Variants in PRMT7 observed in about 807,000 individuals in gnomAD.
PRMT7 encodes protein arginine N-methyltransferase 7.
In PRMT7, 75 loss-of-function variants were observed where a neutral mutation model predicts 85.4. The observed-to-expected ratio is 0.88, with a 90% confidence interval of 0.73 to 1.06. PRMT7 has a LOEUF of 1.06. Ranked by LOEUF, PRMT7 falls within the 50% of genes least tolerant of loss-of-function variation. The probability of loss-of-function intolerance (pLI) is 0.00; values close to 1 mark genes in which losing one functional copy is unlikely to be tolerated. For missense variants in PRMT7, 868 were observed against 915.2 expected, an observed-to-expected ratio of 0.95 and a Z score of 0.67; for synonymous variants, 397 against 359.5, an observed-to-expected ratio of 1.10 and a Z score of -1.18.
In PRMT7 at chr16:68,349,058, C is replaced by T. The variant is rs144759660; in HGVS notation, c.1413+627C>T. On this transcript the variant is annotated intron_variant, in intron 14 of 18. Coordinates refer to ENST00000441236, the MANE Select transcript of PRMT7 (RefSeq NM_019023.5). The stretch of plus-strand genomic sequence containing the variant: ...CCACCGCACTCCTGTCTTCATTCCC[C>T]GTCCACGGCTTCCTGCTGCAGTCAG... 5.6e-4 allele frequency among the ~76,000 whole-genome samples: 86 copies of T among 152,254 alleles called. 1 individual carries two copies. The highest frequency in any genetic ancestry group is 3.6e-3 in the Admixed American group (55 of 15,300).
chr16:68,344,933 T>TACACACACACACACACACATACAC (rs60808184), intron 9 of PRMT7, among the ~76,000 whole-genome samples: 3,034 of 131,058 alleles, frequency 0.023, 57 homozygotes, highest in East Asian at 0.1. Flanking sequence ...CCTGCATCTC[T>TACACACACACACACACACATACAC]ACACACACAC....
In PRMT7 at chr16:68,337,466, C is replaced by T; in HGVS notation, c.399C>T (p.Asp133=). 6.2e-7 allele frequency: 1 copy of T among 1,606,920 alleles called. No homozygotes were observed. The highest frequency in any genetic ancestry group is 8.5e-7 in the Non-Finnish European group (1 of 1,177,054). Residue 133 remains aspartate (D), a synonymous_variant, in exon 7 of 19, where the codon GAC becomes GAT. Coordinates refer to ENST00000441236, the MANE Select transcript of PRMT7 (RefSeq NM_019023.5). ...STEVTVGPEG[D]MPCRANILVT... ...TTTTCTTGTGTTTTTCAGAGGGTGA[C>T]ATGCCATGCCGTGCCAACATCCTGG... is the stretch of plus-strand genomic sequence containing the variant.
intron 2 of PRMT7, among the ~76,000 whole-genome samples, chr16:68,313,022 G>T (rs1258314501): frequency 6.6e-6 from 1 of 151,984 alleles, no homozygotes; most frequent in Non-Finnish European, 1.5e-5. Flanking sequence ...ACGGGGTTTC[G>T]CCATGTTGGC....
At chr16:68,321,513 G>T in intron 4 of PRMT7, 51 bp downstream of exon 4, 1 of 1,521,698 alleles carries the variant, frequency 6.6e-7, no homozygotes, top group South Asian at 1.1e-5. Flanking sequence ...TTGAAGTCTT[G>T]GATTACAAGA....
At chr16:68,333,515 G>C (rs996496388) in intron 6 of PRMT7, among the ~76,000 whole-genome samples, 2 of 151,862 alleles carry the variant, frequency 1.3e-5, no homozygotes, top group Admixed American at 6.6e-5. Context: ...AAGAAACTAG[G>C]TCTCGCTTTG....
chr16:68,347,432 TG>T (rs1417149914), intron 12 of PRMT7, 138 bp downstream of exon 12: 18 of 1,072,324 alleles, frequency 1.7e-5, no homozygotes, highest in East Asian at 2.6e-5. Flanking sequence ...GGTCAGGGGC[TG>T]GGGGGTTTAT....
In PRMT7 at chr16:68,339,561, C is replaced by A; in HGVS notation, c.744C>A (p.Phe248Leu). 6.2e-7 allele frequency: 1 copy of A among 1,613,176 alleles called. No individual in the cohort carries two copies. Among genetic ancestry groups the A allele is most frequent in the South Asian group, 1.1e-5 (1 of 91,074 alleles). ...FTVLSDVLPMFSIDFSKQVSS... is the reference protein window; with the variant it reads ...FTVLSDVLPMLSIDFSKQVSS... ...TCCTCAGCGATGTGCTGCCCATGTT[C>A]AGGTACCAAGGAGCCACCATAGGTG... Residue 248 changes from phenylalanine to leucine, a missense_variant and splice_region_variant, in exon 8 of 19, where the codon TTC (phenylalanine) becomes TTA (leucine). Phe to Leu is a conservative substitution (Grantham distance 22). Transcript: ENST00000441236.
intron 6 of PRMT7, among the ~76,000 whole-genome samples, chr16:68,336,250 CATTAAAA>C (rs2084672427): frequency 6.6e-6 from 1 of 152,158 alleles, no homozygotes. Context: ...GCTCTTGGCT[CATTAAAA>C]ATTATAATTG....
intron 4 of PRMT7, among the ~76,000 whole-genome samples, chr16:68,322,882 A>G (rs1401580169): frequency 2.0e-5 from 3 of 152,026 alleles, no homozygotes; most frequent in Admixed American, 1.3e-4. Context: ...AATACAAAAA[A>G]AAGCCGAGCG....
intron 18 of PRMT7, 115 bp from the exon 19 acceptor site, chr16:68,356,939 C>A: frequency 7.2e-7 from 1 of 1,383,402 alleles, no homozygotes; most frequent in African/African-American, 1.4e-5. Flanking sequence ...GGTCCTGGGC[C>A]ATCTGGCCCC....
In PRMT7 at chr16:68,339,482, C is replaced by A; in HGVS notation, c.665C>A (p.Ala222Glu). 1.2e-6 allele frequency: 2 copies of A among 1,614,176 alleles called. No homozygotes were observed. Among genetic ancestry groups the A allele is most frequent in the Non-Finnish European group, 1.7e-6 (2 of 1,180,038 alleles). The change falls in exon 8 of 19, where the codon GCA (alanine) becomes GAA (glutamate). Residue 222 changes from alanine to glutamate, a missense_variant. Transcript: ENST00000441236. ...PPVDVESCPG[A>E]PSVCDIQLNQ... is the part of the protein sequence containing the mutation. ...GTTGACGTGGAGAGCTGCCCTGGCG[C>A]ACCCTCTGTCTGTGACATTCAGCTG... is the stretch of plus-strand genomic sequence containing the variant.
chr16:68,355,671 T>C (rs1189146405), intron 16 of PRMT7, 52 bp from the exon 17 acceptor site: 1 of 1,450,058 alleles, frequency 6.9e-7, no homozygotes, highest in Non-Finnish European at 9.2e-7. Context: ...GCGGTACCTC[T>C]GTCTAGCTGC....
intron 4 of PRMT7, chr16:68,322,398 G>GT (rs2082601455): frequency 2.2e-6 from 1 of 451,574 alleles, no homozygotes; most frequent in African/African-American, 2.0e-5. Context: ...GAGTTTCGCT[G>GT]TATTGCCCAG....
intron 6 of PRMT7, among the ~76,000 whole-genome samples, chr16:68,329,900 T>A (rs146024272): frequency 4.9e-5 from 6 of 123,432 alleles, no homozygotes; most frequent in African/African-American, 1.9e-4. Context: ...CACACACACA[T>A]ATTTTTTTTT....
intron 16 of PRMT7, chr16:68,354,819 G>A (rs960720820): frequency 6.6e-6 from 1 of 152,554 alleles, no homozygotes; most frequent in Admixed American, 6.5e-5. Flanking sequence ...CCACAGTGGG[G>A]TGCCAGGCAT....
Position 68,347,204 on chromosome 16 carries a change from C to G in PRMT7, c.1192-7C>G. 1 of 1,551,398 alleles carries G rather than the reference C, an allele frequency of 6.4e-7. No individual in the cohort carries two copies. Among genetic ancestry groups the G allele is most frequent in the Non-Finnish European group, 8.7e-7 (1 of 1,146,756 alleles). Reference sequence around the variant, plus strand: ...AGCCCTGTGCTGAGCTTGCCTGTTCCCCGCAGGTGCTGAAGCCAGACAGCG... The same window carrying G: ...AGCCCTGTGCTGAGCTTGCCTGTTCGCCGCAGGTGCTGAAGCCAGACAGCG... On this transcript the variant is annotated splice_polypyrimidine_tract_variant and splice_region_variant and intron_variant, in intron 11 of 18. Coordinates refer to ENST00000441236, the MANE Select transcript of PRMT7 (RefSeq NM_019023.5).
chr16:68,334,896 A>G (rs961495127), intron 6 of PRMT7, among the ~76,000 whole-genome samples: 2 of 152,104 alleles, frequency 1.3e-5, no homozygotes, highest in African/African-American at 2.4e-5. Context: ...TCCCGGGTTC[A>G]GGCAATTCTC....
intron 5 of PRMT7, 129 bp downstream of exon 5, chr16:68,324,961 G>A: frequency 2.4e-6 from 3 of 1,232,312 alleles, no homozygotes; most frequent in Non-Finnish European, 3.4e-6. Context: ...ACAGAGCCAG[G>A]CTCTGAGCGT....
chr16:68,313,081 TC>T (rs1408989824), intron 2 of PRMT7, among the ~76,000 whole-genome samples: 2 of 152,200 alleles, frequency 1.3e-5, no homozygotes, highest in Non-Finnish European at 2.9e-5. Flanking sequence ...TGCTTTGGTC[TC>T]CCAAAGTGCT....
Sources: gnomAD v4.1 joint callset for allele counts (sites outside exome capture counted in the v4.1 genomes callset) on GRCh38, gnomAD v4.1.1 for gene constraint, MANE v1.5 for transcripts, NCBI Gene and HGNC (gene_info 2026-07-23, HGNC 2026-07-21) for gene names.